SOS2: variants seen among roughly 807,000 people sequenced by gnomAD.
The protein encoded by SOS2 is SOS Ras/Rho guanine nucleotide exchange factor 2.
In SOS2, 65 loss-of-function variants were observed where a neutral mutation model predicts 148.2. The ratio of observed to expected loss-of-function variants is 0.44; its 90% CI spans 0.36 to 0.54. SOS2 has a LOEUF of 0.54. Among genes scored for constraint, SOS2 ranks in the 20% least tolerant of loss-of-function variants. The probability of loss-of-function intolerance (pLI) is 0.00; values close to 1 mark genes in which losing one functional copy is unlikely to be tolerated. For missense variants in SOS2, 1,341 were observed against 1,590.2 expected, an observed-to-expected ratio of 0.84 and a Z score of 2.67; for synonymous variants, 539 against 537.1, an observed-to-expected ratio of 1.00 and a Z score of -0.05.
At chr14:50,222,718 A>C (rs1456322226) in intron 1 of SOS2, among the ~76,000 whole-genome samples, 1 of 152,258 alleles carries the variant, frequency 6.6e-6, no homozygotes, top group Non-Finnish European at 1.5e-5. Flanking sequence ...GAAGCAGAAC[A>C]AACAAGGGAC....
rs1453534521 is a variant in SOS2 at position 50,164,225 on chromosome 14, G to C, written c.1069-2616C>G. Among the ~76,000 whole-genome samples, 6 of 152,094 alleles carry C rather than the reference G, an allele frequency of 3.9e-5. No individual in the cohort carries two copies. In the South Asian group the frequency reaches 1.2e-3, roughly 32 times the overall value. The stretch of plus-strand genomic sequence containing the variant: ...GGAGGCCAAGGCGGGCAGATCACTT[G>C]AGCCCAGGAGTTCAAGACCAGCCTG... On this transcript the variant is annotated intron_variant, in intron 8 of 22. Transcript: ENST00000216373.
At chr14:50,213,094 T>C (rs1265384290) in intron 1 of SOS2, among the ~76,000 whole-genome samples, 3 of 151,956 alleles carry the variant, frequency 2.0e-5, no homozygotes, top group Non-Finnish European at 2.9e-5. Context: ...AAGGAATCAA[T>C]AGAGAAGAAA....
At chr14:50,142,127 C>A (rs1884315136) in intron 16 of SOS2, among the ~76,000 whole-genome samples, 1 of 151,806 alleles carries the variant, frequency 6.6e-6, no homozygotes, top group Admixed American at 6.6e-5. Flanking sequence ...CCTGCCTCAG[C>A]CTCCCAAGTA....
intron 21 of SOS2, among the ~76,000 whole-genome samples, chr14:50,128,126 A>T (rs1226753174): frequency 6.6e-6 from 1 of 152,220 alleles, no homozygotes; most frequent in African/African-American, 2.4e-5. Context: ...TCAAGAAAGA[A>T]GATGAGGAAT....
At chr14:50,185,825 G>T (rs1342166537) in intron 5 of SOS2, among the ~76,000 whole-genome samples, 2 of 152,058 alleles carry the variant, frequency 1.3e-5, no homozygotes, top group African/African-American at 4.8e-5. Context: ...TATATTCTAG[G>T]CACTCTTCTA....
intron 4 of SOS2, among the ~76,000 whole-genome samples, chr14:50,193,945 A>G (rs904807005): frequency 6.6e-6 from 1 of 151,980 alleles, no homozygotes; most frequent in Non-Finnish European, 1.5e-5. Flanking sequence ...GGGTTTCACC[A>G]TGTTGCCCAG....
chr14:50,196,128 G>C (rs1032034725), intron 4 of SOS2, among the ~76,000 whole-genome samples: 1 of 152,198 alleles, frequency 6.6e-6, no homozygotes, highest in Admixed American at 6.6e-5. Context: ...AGGCAGAGTA[G>C]AATGTGGTTA....
intron 12 of SOS2, chr14:50,156,457 A>G (rs1884825152): frequency 6.6e-6 from 1 of 152,268 alleles, no homozygotes; most frequent in Admixed American, 6.5e-5. Context: ...CCCGGCACAC[A>G]GTAGTATTTA....
intron 9 of SOS2, among the ~76,000 whole-genome samples, chr14:50,161,262 T>G (rs1357036603): frequency 6.8e-6 from 1 of 146,594 alleles, no homozygotes; most frequent in Admixed American, 6.9e-5. Flanking sequence ...ATTACACCAC[T>G]GCACTCCAGC....
chr14:50,132,234 T>G (rs978981688), intron 19 of SOS2, among the ~76,000 whole-genome samples: 2 of 151,656 alleles, frequency 1.3e-5, no homozygotes, highest in Admixed American at 1.3e-4. Flanking sequence ...GAGCAAAGGT[T>G]GGCCAAGCAC....
intron 18 of SOS2, among the ~76,000 whole-genome samples, chr14:50,134,832 G>T (rs1884020320): frequency 6.6e-6 from 1 of 151,996 alleles, no homozygotes; most frequent in Non-Finnish European, 1.5e-5. Flanking sequence ...CCACCACTTT[G>T]GGAGGCTGAG....
chr14:50,178,709 TATAC>T (rs1566839717), intron 7 of SOS2, among the ~76,000 whole-genome samples: 6 of 69,918 alleles, frequency 8.6e-5, no homozygotes, highest in African/African-American at 3.9e-4. Flanking sequence ...TATATATATA[TATAC>T]ACACATATAC....
intron 5 of SOS2, among the ~76,000 whole-genome samples, chr14:50,185,031 A>C (rs1885862767): frequency 6.6e-6 from 1 of 152,170 alleles, no homozygotes; most frequent in African/African-American, 2.4e-5. Context: ...TGCCCTGTCC[A>C]TCTCTTCATC....
intron 16 of SOS2, among the ~76,000 whole-genome samples, chr14:50,143,393 A>G (rs1368793882): frequency 6.6e-6 from 1 of 152,004 alleles, no homozygotes; most frequent in African/African-American, 2.4e-5. Flanking sequence ...AGAGGCAATG[A>G]ATACATAAAT....
intron 19 of SOS2, 123 bp downstream of exon 19, chr14:50,134,000 T>C (rs988372316): frequency 2.9e-6 from 2 of 688,846 alleles, no homozygotes; most frequent in African/African-American, 3.7e-5. Context: ...AATAGTATAT[T>C]ACTGCAAACA....
intron 1 of SOS2, among the ~76,000 whole-genome samples, chr14:50,210,684 A>C (rs984103004): frequency 7.0e-6 from 1 of 142,028 alleles, no homozygotes; most frequent in East Asian, 2.5e-4. Context: ...CTAAAAATTC[A>C]GTAAGAAAAA....
intron 5 of SOS2, among the ~76,000 whole-genome samples, chr14:50,186,541 G>C (rs957154425): frequency 2.6e-5 from 4 of 151,804 alleles, no homozygotes; most frequent in South Asian, 2.1e-4. Flanking sequence ...TAGCACTTTG[G>C]GGGGCTGAGA....
chr14:50,122,933 G>C (rs1483017062), intron 21 of SOS2, among the ~76,000 whole-genome samples: 1 of 152,208 alleles, frequency 6.6e-6, no homozygotes, highest in Non-Finnish European at 1.5e-5. Context: ...GTCAGGCACT[G>C]TCTGAAGCAC....
At position 50,222,199 on chromosome 14, in the gene SOS2, T is replaced by A. The variant is rs148286327; in HGVS notation, c.87+8998A>T. Among the ~76,000 whole-genome samples the A allele has an allele frequency of 3.9e-3, 592 of 152,312 alleles. 7 individuals are homozygous for A. Among genetic ancestry groups the A allele is most frequent in the African/African-American group, 0.013 (557 of 41,580 alleles). ...TTAAAACATCAGTATTTATAACACA[T>A]ATGAAATTACATCTACTGCAACTAT... On this transcript the variant is annotated intron_variant, in intron 1 of 22. Coordinates refer to ENST00000216373, the MANE Select transcript of SOS2 (RefSeq NM_006939.4).
Sources: gnomAD v4.1 joint callset for allele counts (sites outside exome capture counted in the v4.1 genomes callset) on GRCh38, gnomAD v4.1.1 for gene constraint, MANE v1.5 for transcripts, NCBI Gene and HGNC (gene_info 2026-07-23, HGNC 2026-07-21) for gene names.